Variants in CPA6 observed in about 807,000 individuals in gnomAD.
CPA6 encodes carboxypeptidase A6.
Under a neutral mutation model 63.3 loss-of-function variants are expected in CPA6, and 58 were observed. That is an observed-to-expected ratio of 0.92 (90% CI 0.74 to 1.14). CPA6 has a LOEUF of 1.14. CPA6 is among the 50% of genes most tolerant of loss of function. The probability of loss-of-function intolerance (pLI) is 0.00; values close to 1 mark genes in which losing one functional copy is unlikely to be tolerated. For synonymous variants in CPA6, 185 were observed against 179.0 expected, an observed-to-expected ratio of 1.03 and a Z score of -0.27; for missense variants, 565 against 526.6, an observed-to-expected ratio of 1.07 and a Z score of -0.71.
chr8:67,491,126 C>A (rs1443399105), intron 6 of CPA6, among the ~76,000 whole-genome samples: 1 of 151,744 alleles, frequency 6.6e-6, no homozygotes, highest in East Asian at 1.9e-4. Context: ...GACTGGTAAA[C>A]ACTGCGGCAC....
intron 1 of CPA6, among the ~76,000 whole-genome samples, chr8:67,670,547 T>C (rs1376932565): frequency 6.6e-6 from 1 of 152,174 alleles, no homozygotes; most frequent in Non-Finnish European, 1.5e-5. Context: ...ATATCACTGA[T>C]AAGCCATTTA....
intron 2 of CPA6, among the ~76,000 whole-genome samples, chr8:67,551,338 G>A (rs553817874): frequency 6.6e-6 from 1 of 152,250 alleles, no homozygotes; most frequent in South Asian, 2.1e-4. Flanking sequence ...CTGTATGTGT[G>A]CTGCTTTATT....
intron 2 of CPA6, among the ~76,000 whole-genome samples, chr8:67,561,099 C>G (rs146813566): frequency 6.6e-6 from 1 of 152,078 alleles, no homozygotes; most frequent in Non-Finnish European, 1.5e-5. Context: ...CTGTTACAAC[C>G]GCTGTCAGTG....
At chr8:67,600,519 A>G (rs750770613) in intron 2 of CPA6, among the ~76,000 whole-genome samples, 19 of 152,218 alleles carry the variant, frequency 1.2e-4, no homozygotes, top group Non-Finnish European at 2.6e-4. Context: ...AAGTGTTCTC[A>G]CTACAAAAAA....
intron 1 of CPA6, among the ~76,000 whole-genome samples, chr8:67,689,143 C>T (rs1213003555): frequency 2.0e-5 from 3 of 152,080 alleles, no homozygotes; most frequent in Admixed American, 6.6e-5. Flanking sequence ...TCTACTAAAA[C>T]CCACAAATGA....
At chr8:67,594,698 A>C (rs984624757) in intron 2 of CPA6, among the ~76,000 whole-genome samples, 1 of 152,020 alleles carries the variant, frequency 6.6e-6, no homozygotes, top group Non-Finnish European at 1.5e-5. Context: ...TGCATTCTTC[A>C]TGTAGTTCTC....
intron 8 of CPA6, among the ~76,000 whole-genome samples, chr8:67,463,018 T>C (rs184499559): frequency 6.6e-6 from 1 of 152,358 alleles, no homozygotes; most frequent in African/African-American, 2.4e-5. Context: ...TATATTTATC[T>C]CTGGGATTCA....
intron 1 of CPA6, among the ~76,000 whole-genome samples, chr8:67,666,986 G>A (rs950314486): frequency 3.3e-5 from 5 of 151,796 alleles, no homozygotes; most frequent in African/African-American, 1.2e-4. Flanking sequence ...TTTCCTTTAG[G>A]ACTCCTTAAA....
chr8:67,636,020 C>T (rs553629989), intron 1 of CPA6, among the ~76,000 whole-genome samples: 10 of 151,676 alleles, frequency 6.6e-5, no homozygotes, highest in Non-Finnish European at 1.2e-4. Flanking sequence ...CACCCTATCC[C>T]CATATCAGAA....
At chr8:67,628,812 T>A (rs1815252091) in intron 1 of CPA6, among the ~76,000 whole-genome samples, 1 of 152,224 alleles carries the variant, frequency 6.6e-6, no homozygotes, top group African/African-American at 2.4e-5. Context: ...ATGGGCATAT[T>A]TCTGGTCATG....
At chr8:67,459,313 C>T (rs1348740234) in intron 8 of CPA6, among the ~76,000 whole-genome samples, 1 of 152,134 alleles carries the variant, frequency 6.6e-6, no homozygotes, top group South Asian at 2.1e-4. Context: ...TGTGTGCCAC[C>T]ATGCCCAGCC....
chr8:67,634,564 G>A (rs1411885303), intron 1 of CPA6, among the ~76,000 whole-genome samples: 1 of 151,530 alleles, frequency 6.6e-6, no homozygotes. Flanking sequence ...GAAAGAGTAA[G>A]GTTAGATTAC....
chr8:67,432,766 T>C (rs887300339), intron 9 of CPA6, among the ~76,000 whole-genome samples: 2 of 152,202 alleles, frequency 1.3e-5, no homozygotes, highest in African/African-American at 4.8e-5. Flanking sequence ...ATCCAGCCAA[T>C]TGTGTATCTT....
At chr8:67,553,813 C>T (rs1813002278) in intron 2 of CPA6, among the ~76,000 whole-genome samples, 1 of 152,050 alleles carries the variant, frequency 6.6e-6, no homozygotes, top group Non-Finnish European at 1.5e-5. Context: ...TAAAACAACA[C>T]CAAATACCAT....
chr8:67,726,002 A>T (rs955113543), intron 1 of CPA6, among the ~76,000 whole-genome samples: 2 of 152,184 alleles, frequency 1.3e-5, no homozygotes, highest in African/African-American at 4.8e-5. Flanking sequence ...GTCACTTAAG[A>T]TAGCTGCAAA....
chr8:67,569,246 T>C (rs1159943747), intron 2 of CPA6, among the ~76,000 whole-genome samples: 1 of 152,178 alleles, frequency 6.6e-6, no homozygotes, highest in African/African-American at 2.4e-5. Flanking sequence ...ATATATCATA[T>C]ACAATGAAGT....
intron 2 of CPA6, among the ~76,000 whole-genome samples, chr8:67,596,798 A>G (rs538229525): frequency 2.6e-5 from 4 of 152,332 alleles, no homozygotes; most frequent in Admixed American, 6.5e-5. Flanking sequence ...TAATTTAAAC[A>G]GTGCCTTAGT....
intron 4 of CPA6, among the ~76,000 whole-genome samples, chr8:67,510,490 T>C (rs926410999): frequency 2.0e-5 from 3 of 152,208 alleles, no homozygotes; most frequent in Non-Finnish European, 4.4e-5. Context: ...TTCTAGTGCA[T>C]GTTAACAGTA....
At chr8:67,540,335 G>A (rs1221009924) in intron 2 of CPA6, among the ~76,000 whole-genome samples, 1 of 152,170 alleles carries the variant, frequency 6.6e-6, no homozygotes, top group African/African-American at 2.4e-5. Flanking sequence ...ACCAGTGGAG[G>A]CTGCAGAACA....
Sources: gnomAD v4.1 joint callset for allele counts (sites outside exome capture counted in the v4.1 genomes callset) on GRCh38, gnomAD v4.1.1 for gene constraint, MANE v1.5 for transcripts, NCBI Gene and HGNC (gene_info 2026-07-23, HGNC 2026-07-21) for gene names.